Variants in ANTXR1 observed in about 807,000 individuals in gnomAD.
ANTXR1 encodes the protein ANTXR cell adhesion molecule 1, also known as anthrax toxin receptor 1.
In ANTXR1, 19 loss-of-function variants were observed where a neutral mutation model predicts 78.1. The ratio of observed to expected loss-of-function variants is 0.24; its 90% CI spans 0.17 to 0.36. ANTXR1 has a LOEUF of 0.36. ANTXR1 is among the 10% of genes least tolerant of loss of function. The pLI is 1.00. For synonymous variants in ANTXR1, 273 were observed against 260.5 expected (o/e 1.05, Z -0.46); for missense variants, 518 against 718.6 (o/e 0.72, Z 3.19).
At chr2:69,242,238 TG>T in intron 17 of ANTXR1, among the ~76,000 whole-genome samples, 1 of 152,306 alleles carries the variant, frequency 6.6e-6, no homozygotes, top group Admixed American at 6.5e-5. Context: ...CGGCGGCAGC[TG>T]GAAGTGCTGA....
intron 2 of ANTXR1, 44 bp from the exon 3 acceptor site, chr2:69,044,698 G>T (rs189239188): frequency 1.3e-6 from 2 of 1,588,308 alleles, no homozygotes; most frequent in Non-Finnish European, 8.6e-7. Flanking sequence ...AGTGGCATGC[G>T]CAGTCTTATT....
intron 8 of ANTXR1, among the ~76,000 whole-genome samples, chr2:69,088,838 A>C (rs1304607094): frequency 1.1e-4 from 16 of 152,178 alleles, no homozygotes; most frequent in Admixed American, 1.0e-3. Flanking sequence ...TTCCCAAGTT[A>C]GACTGACAAT....
At chr2:69,133,014 T>A (rs76338801) in intron 12 of ANTXR1, among the ~76,000 whole-genome samples, 9,184 of 152,272 alleles carry the variant, frequency 0.06, 356 homozygotes, top group Middle Eastern at 0.082. Flanking sequence ...AACCTTTAGA[T>A]AAGTCAATGG....
chr2:69,207,019 C>G (rs1486483973), intron 17 of ANTXR1, among the ~76,000 whole-genome samples: 1 of 152,188 alleles, frequency 6.6e-6, no homozygotes, highest in Non-Finnish European at 1.5e-5. Context: ...CCAATTTTAT[C>G]CAGCAACATT....
chr2:69,130,042 T>C (rs1428876575), intron 12 of ANTXR1, among the ~76,000 whole-genome samples: 1 of 152,222 alleles, frequency 6.6e-6, no homozygotes, highest in Non-Finnish European at 1.5e-5. Flanking sequence ...TTTTCCTTCT[T>C]GTTTTGCATC....
At chr2:69,135,016 C>G (rs566034236) in intron 12 of ANTXR1, 1 of 415,148 alleles carries the variant, frequency 2.4e-6, no homozygotes, top group Non-Finnish European at 5.0e-6. Context: ...GTTTTACATA[C>G]AATCATTAGA....
chr2:69,223,319 T>C (rs191539244), intron 17 of ANTXR1, among the ~76,000 whole-genome samples: 2 of 152,370 alleles, frequency 1.3e-5, no homozygotes, highest in East Asian at 3.9e-4. Flanking sequence ...AAATTCTAAA[T>C]TCTCTAATTC....
chr2:69,069,738 T>A (rs932058490), intron 3 of ANTXR1, among the ~76,000 whole-genome samples: 5 of 152,226 alleles, frequency 3.3e-5, no homozygotes, highest in Non-Finnish European at 5.9e-5. Flanking sequence ...GGTCACTACC[T>A]TGTATATAGC....
intron 1 of ANTXR1, among the ~76,000 whole-genome samples, chr2:69,029,049 CCCT>C (rs200951855): frequency 9.8e-4 from 145 of 147,850 alleles, no homozygotes; most frequent in Admixed American, 2.3e-3. Flanking sequence ...AGACCCCCCC[CCCT>C]CCATCTCTAC....
chr2:69,223,429 G>C (rs1166604873), intron 17 of ANTXR1, among the ~76,000 whole-genome samples: 1 of 152,184 alleles, frequency 6.6e-6, no homozygotes, highest in Non-Finnish European at 1.5e-5. Flanking sequence ...CTGAAGAGAT[G>C]AAAGTCCTGA....
chr2:69,024,552 G>A (rs928863208), intron 1 of ANTXR1, among the ~76,000 whole-genome samples: 7 of 152,094 alleles, frequency 4.6e-5, no homozygotes, highest in African/African-American at 1.4e-4. Flanking sequence ...GTGAGGCAAG[G>A]AGGGACAGAA....
At chr2:69,058,143 T>C (rs1397079997) in intron 3 of ANTXR1, among the ~76,000 whole-genome samples, 1 of 152,202 alleles carries the variant, frequency 6.6e-6, no homozygotes, top group Non-Finnish European at 1.5e-5. Context: ...CAAGTGCTGA[T>C]TGAGAAGCTG....
rs191343051 is a variant in ANTXR1, at chr2:69,033,775, T to C, written c.153-6269T>C. The stretch of plus-strand genomic sequence containing the variant: ...GGATTAAAAGACTCCTTGGTGATGG[T>C]TCCAACTGCAAACTTTCTTTTTCCC... On this transcript the variant is annotated intron_variant, in intron 1 of 17. Coordinates refer to ENST00000303714, the MANE Select transcript of ANTXR1 (RefSeq NM_032208.3). 2.0e-5 allele frequency among the ~76,000 whole-genome samples: 3 copies of C among 152,352 alleles called. No individual in the cohort carries two copies. In the East Asian group the frequency reaches 5.8e-4, roughly 29 times the overall value.
chr2:69,105,248 A>G (rs1366492372), intron 10 of ANTXR1, among the ~76,000 whole-genome samples: 1 of 152,226 alleles, frequency 6.6e-6, no homozygotes, highest in Non-Finnish European at 1.5e-5. Flanking sequence ...AGTTGCAAAC[A>G]TATGCACAGG....
intron 11 of ANTXR1, 45 bp from the exon 12 acceptor site, chr2:69,124,520 A>T: frequency 6.3e-7 from 1 of 1,576,770 alleles, no homozygotes; most frequent in Non-Finnish European, 8.7e-7. Context: ...CCTGTTGCTC[A>T]TTGCACGCCC....
At chr2:69,210,667 G>A (rs952013212) in intron 17 of ANTXR1, among the ~76,000 whole-genome samples, 1 of 152,198 alleles carries the variant, frequency 6.6e-6, no homozygotes, top group Non-Finnish European at 1.5e-5. Flanking sequence ...TGGGTATGCT[G>A]GCTCAGGCCT....
intron 1 of ANTXR1, among the ~76,000 whole-genome samples, chr2:69,022,042 A>G (rs991663141): frequency 6.6e-6 from 1 of 152,206 alleles, no homozygotes; most frequent in Non-Finnish European, 1.5e-5. Flanking sequence ...GAGATTAGAC[A>G]TGCTCTCCTG....
intron 17 of ANTXR1, among the ~76,000 whole-genome samples, chr2:69,193,974 C>T (rs896373453): frequency 2.0e-5 from 3 of 152,202 alleles, no homozygotes; most frequent in Non-Finnish European, 4.4e-5. Context: ...ATTGTCAAGG[C>T]TAAGCTTGGA....
At chr2:69,144,217 G>A (rs1424329696) in intron 12 of ANTXR1, among the ~76,000 whole-genome samples, 2 of 152,178 alleles carry the variant, frequency 1.3e-5, no homozygotes, top group East Asian at 1.9e-4. Context: ...GAGGGACAGC[G>A]GCAGGTGTGC....
Sources: allele counts gnomAD v4.1 joint callset (sites outside exome capture counted in the v4.1 genomes callset), GRCh38; gene constraint gnomAD v4.1.1; transcripts MANE v1.5; gene names NCBI Gene and HGNC (gene_info 2026-07-23, HGNC 2026-07-21).